The following NCKAP1 variants were observed in gnomAD, a reference collection of about 807,000 sequenced individuals.
NCKAP1 encodes NCK associated protein 1, also known as nck-associated protein 1.
NCKAP1 carries 21 observed loss-of-function variants against 151.2 expected under a neutral mutation model. That is an observed-to-expected ratio of 0.14 (90% confidence interval 0.10 to 0.20). The LOEUF is 0.20. NCKAP1 is among the 10% of genes least tolerant of loss of function. The pLI is 1.00. For synonymous variants in NCKAP1, 484 were observed against 451.8 expected (o/e 1.07, Z -0.90); for missense variants, 933 against 1,352.1 (o/e 0.69, Z 4.86).
rs555687231 is a variant in NCKAP1, at chr2:182,920,768, A to G, written c.*4934T>C. ...CCTCCCAAAGGCCCCACATCCTGTCACACTGATGATCAGATTTCAACATAT... is the reference window on the plus strand; with the variant it reads ...CCTCCCAAAGGCCCCACATCCTGTCGCACTGATGATCAGATTTCAACATAT... On this transcript the variant is annotated 3_prime_UTR_variant, in exon 31 of 31. Coordinates refer to ENST00000361354, the MANE Select transcript of NCKAP1 (RefSeq NM_013436.5). 3 of 152,288 alleles carry G rather than the reference A, an allele frequency of 2.0e-5. No homozygotes were observed. The highest frequency in any genetic ancestry group is 4.1e-4 in the South Asian group (2 of 4,830). 9.4% of individuals were successfully genotyped at this position (152,288 alleles called of 1,614,324 possible).
At chr2:182,994,463 C>A (rs975697648) in intron 8 of NCKAP1, among the ~76,000 whole-genome samples, 1 of 151,706 alleles carries the variant, frequency 6.6e-6, no homozygotes, top group Admixed American at 6.6e-5. Context: ...TATGGAGAAA[C>A]CCCCGCCTGT....
chr2:183,009,470 G>GCAA lies in NCKAP1; in HGVS notation c.220-6146_220-6145insTTG, dbSNP rs1394058788. On this transcript the variant is annotated intron_variant, in intron 2 of 30. Transcript: ENST00000361354. ...AGGAAGGAAGGAAGGAAGGAAGGAA[G>GCAA]GAAGGAAGCAAGCAAGCAAGCAGGC... Among the ~76,000 whole-genome samples, 37 of 149,508 alleles carry GCAA rather than the reference G, an allele frequency of 2.5e-4. 1 individual carries two copies. The South Asian group carries it at 5.4e-3, about 22-fold the overall frequency.
At position 183,038,208 on chromosome 2, in the gene NCKAP1, G is replaced by A; in HGVS notation, c.-109C>T. ...TCCTCCCCTCCCGCCCGCGACCTCC[G>A]CCTTAGGAGAGCGCGCCCATGGCCC... On this transcript the variant is annotated 5_prime_UTR_variant, in exon 1 of 31. Coordinates refer to ENST00000361354, the MANE Select transcript of NCKAP1 (RefSeq NM_013436.5). The A allele has an allele frequency of 1.4e-6, 1 of 706,560 alleles. No homozygotes were observed. The highest frequency in any genetic ancestry group is 2.1e-6 in the Non-Finnish European group (1 of 472,138). 43.8% of individuals were successfully genotyped at this position (706,560 alleles called of 1,614,324 possible). A position where few individuals can be genotyped will look rare whatever the true frequency, so the allele number is the denominator to read the frequency against.
At chr2:182,971,300 A>G (rs1268059164) in intron 15 of NCKAP1, among the ~76,000 whole-genome samples, 2 of 148,218 alleles carry the variant, frequency 1.3e-5, no homozygotes, top group African/African-American at 5.0e-5. Flanking sequence ...AGGCTGAGGC[A>G]GGAGAATGGC....
chr2:182,929,016 A>G, intron 27 of NCKAP1, 117 bp from the exon 28 acceptor site: 1 of 647,838 alleles, frequency 1.5e-6, no homozygotes, highest in Non-Finnish European at 2.6e-6. Context: ...TTTTTGAAAT[A>G]GTAAACTATT....
At position 182,920,366 on chromosome 2, in the gene NCKAP1, T is replaced by C. The variant is rs1696530690; in HGVS notation, c.*5336A>G. ...GGTGTTCATGCAATTAAAGATGACATGAACATAGACATTCAGAAGCAACAC... is the reference window on the plus strand; with the variant it reads ...GGTGTTCATGCAATTAAAGATGACACGAACATAGACATTCAGAAGCAACAC... On this transcript the variant is annotated 3_prime_UTR_variant, in exon 31 of 31. Coordinates refer to ENST00000361354, the MANE Select transcript of NCKAP1 (RefSeq NM_013436.5). 6.6e-6 allele frequency: 1 copy of C among 152,174 alleles called. No individual in the cohort carries two copies. The allele number at this position is 152,174 out of a possible 1,614,324, so 9.4% of individuals were successfully genotyped here. A position where few individuals can be genotyped will look rare whatever the true frequency, so the allele number is the denominator to read the frequency against.
chr2:183,015,976 A>G (rs1214976323), intron 2 of NCKAP1, among the ~76,000 whole-genome samples: 1 of 152,136 alleles, frequency 6.6e-6, no homozygotes, highest in African/African-American at 2.4e-5. Flanking sequence ...AGGGGAAGTA[A>G]GGGGAAGTAA....
intron 6 of NCKAP1, among the ~76,000 whole-genome samples, chr2:182,999,009 C>T (rs1240503941): frequency 6.6e-6 from 1 of 152,002 alleles, no homozygotes; most frequent in Non-Finnish European, 1.5e-5. Context: ...ACAGATAACA[C>T]AAATAAATGG....
intron 2 of NCKAP1, among the ~76,000 whole-genome samples, chr2:183,014,174 G>A (rs1698640667): frequency 6.6e-6 from 1 of 152,222 alleles, no homozygotes; most frequent in African/African-American, 2.4e-5. Flanking sequence ...CTCTCTTCCA[G>A]AACAGAACTT....
chr2:183,021,643 C>G (rs74834658), intron 2 of NCKAP1, among the ~76,000 whole-genome samples: 2,932 of 152,164 alleles, frequency 0.019, 87 homozygotes, highest in African/African-American at 0.063. Flanking sequence ...ATACATGCTA[C>G]AACTTGGATA....
At chr2:183,018,171 C>T (rs1436990216) in intron 2 of NCKAP1, among the ~76,000 whole-genome samples, 2 of 152,018 alleles carry the variant, frequency 1.3e-5, no homozygotes, top group Non-Finnish European at 2.9e-5. Flanking sequence ...CGCTTGAATT[C>T]GGGAGGCAGA....
chr2:183,038,013 G>A lies in NCKAP1; in HGVS notation c.87C>T (p.Thr29=). The change falls in exon 1 of 31, where the codon ACC becomes ACT. Residue 29 remains threonine (T), a synonymous_variant. Transcript: ENST00000361354. Reference sequence around the variant, plus strand: ...GCACCTTCTTGATGTTGTAGAGGCGGGTGAGCATGCCGACGCCCCGGTCGT... The same window carrying A: ...GCACCTTCTTGATGTTGTAGAGGCGAGTGAGCATGCCGACGCCCCGGTCGT... The part of the protein sequence containing the change: ...ILNDRGVGML[T]RLYNIKKACG... The A allele has an allele frequency of 6.3e-7, 1 of 1,583,474 alleles. No individual in the cohort carries two copies. The highest frequency in any genetic ancestry group is 8.5e-7 in the Non-Finnish European group (1 of 1,171,556).
intron 26 of NCKAP1, among the ~76,000 whole-genome samples, chr2:182,933,584 G>T (rs1696810248): frequency 6.6e-6 from 1 of 151,730 alleles, no homozygotes; most frequent in South Asian, 2.1e-4. Context: ...GTAGAGATGG[G>T]GTTTCTTCAT....
chr2:182,964,854 G>A, intron 16 of NCKAP1, 46 bp from the exon 17 acceptor site: 2 of 1,485,748 alleles, frequency 1.3e-6, no homozygotes, highest in Non-Finnish European at 1.8e-6. Context: ...TTTAAAGTAA[G>A]TTTTCTGATA....
chr2:182,997,128 TTCTC>T (rs756878170), intron 6 of NCKAP1, among the ~76,000 whole-genome samples: 11 of 152,162 alleles, frequency 7.2e-5, no homozygotes, highest in African/African-American at 2.7e-4. Context: ...TATTTGCATC[TTCTC>T]TCTCTCTTTT....
chr2:183,017,725 G>A (rs1020645126), intron 2 of NCKAP1, among the ~76,000 whole-genome samples: 96 of 152,160 alleles, frequency 6.3e-4, no homozygotes, highest in Non-Finnish European at 1.2e-3. Context: ...AGCCACAGCA[G>A]TAAGTGTTTT....
intron 2 of NCKAP1, among the ~76,000 whole-genome samples, chr2:183,003,612 T>TAAAAAATTAAAAAC (rs1352642831): frequency 6.6e-6 from 1 of 151,888 alleles, no homozygotes; most frequent in African/African-American, 2.4e-5. Flanking sequence ...AATGAACTCT[T>TAAAAAATTAAAAAC]AAAAAATTAA....
rs573199497 is a variant in NCKAP1 at position 182,924,156 on chromosome 2, G to A, written c.*1546C>T. The A allele has an allele frequency of 6.6e-6, 1 of 152,226 alleles. No homozygotes were observed. The highest frequency in any genetic ancestry group is 1.9e-4 in the East Asian group (1 of 5,194). 9.4% of individuals were successfully genotyped at this position (152,226 alleles called of 1,614,324 possible). Reference sequence around the variant, plus strand: ...TTTTTAAAAAATCTTTATGGAACAAGTACAATTTTTCGACAGATAGTGACA... The same window carrying A: ...TTTTTAAAAAATCTTTATGGAACAAATACAATTTTTCGACAGATAGTGACA... On this transcript the variant is annotated 3_prime_UTR_variant, in exon 31 of 31. Transcript: ENST00000361354.
chr2:182,998,184 A>C (rs775134254), intron 6 of NCKAP1, among the ~76,000 whole-genome samples: 4 of 152,170 alleles, frequency 2.6e-5, no homozygotes, highest in Non-Finnish European at 4.4e-5. Context: ...CCTCAAAATA[A>C]GCAGTGCCAT....
Sources: gnomAD v4.1 joint callset for allele counts (sites outside exome capture counted in the v4.1 genomes callset) on GRCh38, gnomAD v4.1.1 for gene constraint, MANE v1.5 for transcripts, NCBI Gene and HGNC (gene_info 2026-07-23, HGNC 2026-07-21) for gene names.